UBL3: variants seen among roughly 807,000 people sequenced by gnomAD.
UBL3 encodes the protein ubiquitin like 3.
In UBL3, 6 loss-of-function variants were observed where a neutral mutation model predicts 18.4. The observed-to-expected ratio is 0.33, with a 90% CI of 0.18 to 0.64. The LOEUF is 0.64. Ranked by LOEUF, UBL3 falls within the 30% of genes least tolerant of loss-of-function variation. UBL3 has a pLI of 0.76. For synonymous variants in UBL3, 49 were observed against 46.6 expected (o/e 1.05, Z -0.21); for missense variants, 109 against 142.9 (o/e 0.76, Z 1.21).
chr13:29,801,035 C>T (rs753561884), intron 1 of UBL3, among the ~76,000 whole-genome samples: 1 of 152,290 alleles, frequency 6.6e-6, no homozygotes, highest in African/African-American at 2.4e-5. Context: ...TGCCCCTACC[C>T]GAACACCAGT....
intron 1 of UBL3, among the ~76,000 whole-genome samples, chr13:29,788,969 G>T (rs981495169): frequency 6.6e-6 from 1 of 150,774 alleles, no homozygotes; most frequent in Non-Finnish European, 1.5e-5. Context: ...GCGCAATCTC[G>T]GCTCACCGCA....
chr13:29,775,483 T>G (rs535888374), intron 2 of UBL3, among the ~76,000 whole-genome samples: 2 of 152,334 alleles, frequency 1.3e-5, no homozygotes, highest in South Asian at 4.1e-4. Flanking sequence ...CCTTTAAAAG[T>G]TCAAATTGCT....
intron 1 of UBL3, among the ~76,000 whole-genome samples, chr13:29,812,321 C>G (rs2139341735): frequency 6.6e-6 from 1 of 152,112 alleles, no homozygotes; most frequent in East Asian, 1.9e-4. Context: ...ACAAAGCCTA[C>G]CTGCAAGAAC....
chr13:29,796,059 T>C (rs1191831930), intron 1 of UBL3, among the ~76,000 whole-genome samples: 1 of 152,058 alleles, frequency 6.6e-6, no homozygotes, highest in Non-Finnish European at 1.5e-5. Flanking sequence ...AGATAAAACT[T>C]GAAAGATCTA....
intron 1 of UBL3, among the ~76,000 whole-genome samples, chr13:29,843,586 T>G (rs980635374): frequency 5.3e-5 from 8 of 152,222 alleles, no homozygotes; most frequent in Admixed American, 3.9e-4. Context: ...TATCACCAAA[T>G]ACGCAAACAT....
chr13:29,776,265 T>C (rs1291373091), intron 2 of UBL3, among the ~76,000 whole-genome samples: 4 of 55,620 alleles, frequency 7.2e-5, no homozygotes, highest in Admixed American at 3.7e-4. Context: ...TTCTTTCTTT[T>C]TTTTTTTTTT....
intron 1 of UBL3, among the ~76,000 whole-genome samples, chr13:29,842,775 C>A (rs189528216): frequency 1.3e-5 from 2 of 152,140 alleles, no homozygotes; most frequent in Admixed American, 6.5e-5. Flanking sequence ...TCTTCACTAT[C>A]AAGAAACTGC....
intron 3 of UBL3, among the ~76,000 whole-genome samples, chr13:29,771,897 A>C (rs1327943665): frequency 6.6e-6 from 1 of 152,056 alleles, no homozygotes; most frequent in Non-Finnish European, 1.5e-5. Flanking sequence ...ACTGGGATAG[A>C]GTTTATTTCA....
intron 1 of UBL3, among the ~76,000 whole-genome samples, chr13:29,825,777 TTTCAAAGGGA>T (rs1363565018): frequency 6.6e-6 from 1 of 152,222 alleles, no homozygotes; most frequent in Non-Finnish European, 1.5e-5. Context: ...TTGTGCCAGT[TTTCAAAGGGA>T]ATGCTTCCAG....
intron 1 of UBL3, among the ~76,000 whole-genome samples, chr13:29,836,672 T>C (rs1027941201): frequency 2.0e-5 from 3 of 151,992 alleles, no homozygotes; most frequent in Admixed American, 2.0e-4. Flanking sequence ...AGAACTTGTA[T>C]GAATCTCACT....
chr13:29,808,448 AC>A (rs1248413198), intron 1 of UBL3, among the ~76,000 whole-genome samples: 1 of 152,076 alleles, frequency 6.6e-6, no homozygotes, highest in African/African-American at 2.4e-5. Flanking sequence ...TTTCCATTTC[AC>A]TGTACAGCCT....
chr13:29,796,937 A>T (rs1877628640), intron 1 of UBL3, among the ~76,000 whole-genome samples: 1 of 152,208 alleles, frequency 6.6e-6, no homozygotes, highest in Admixed American at 6.5e-5. Context: ...TAACAGGAAG[A>T]TTTTAGGAAA....
At chr13:29,776,688 T>C (rs1306730724) in intron 2 of UBL3, among the ~76,000 whole-genome samples, 7 of 151,892 alleles carry the variant, frequency 4.6e-5, no homozygotes, top group African/African-American at 1.5e-4. Flanking sequence ...CTGGCCGACA[T>C]GGTGAAACCC....
intron 1 of UBL3, among the ~76,000 whole-genome samples, chr13:29,846,883 AAAATGTATTTAACAGTACAT>A (rs1879240424): frequency 1.3e-5 from 2 of 152,252 alleles, no homozygotes; most frequent in African/African-American, 4.8e-5. Flanking sequence ...GCATCTAGCA[AAAATGTATTTAACAGTACAT>A]ATCCTGATCA....
At chr13:29,830,590 G>A (rs2139358162) in intron 1 of UBL3, among the ~76,000 whole-genome samples, 1 of 152,292 alleles carries the variant, frequency 6.6e-6, no homozygotes, top group South Asian at 2.1e-4. Context: ...TGAACTAGAT[G>A]ACTGCTACTG....
intron 1 of UBL3, among the ~76,000 whole-genome samples, chr13:29,792,408 T>C (rs1182085379): frequency 1.3e-5 from 2 of 151,946 alleles, no homozygotes; most frequent in East Asian, 1.9e-4. Flanking sequence ...GGGAAAAAAA[T>C]AAAAATAAAT....
intron 4 of UBL3, 64 bp from the exon 5 acceptor site, chr13:29,767,371 G>C (rs1245086347): frequency 2.5e-6 from 4 of 1,586,918 alleles, no homozygotes; most frequent in Non-Finnish European, 3.5e-6. Flanking sequence ...AAATGGGCTA[G>C]GCAATCAAGT....
chr13:29,780,558 A>T (rs1877128120), intron 1 of UBL3, among the ~76,000 whole-genome samples: 2 of 151,546 alleles, frequency 1.3e-5, no homozygotes, highest in Non-Finnish European at 2.9e-5. Flanking sequence ...AATTACTTGG[A>T]TCTAAAAACA....
chr13:29,797,938 CCT>C (rs1410065465), intron 1 of UBL3, among the ~76,000 whole-genome samples: 2 of 151,912 alleles, frequency 1.3e-5, no homozygotes, highest in Admixed American at 6.6e-5. Flanking sequence ...GCCCTCTATT[CCT>C]CTGTCTTTGC....
Sources: gnomAD v4.1 joint callset for allele counts (sites outside exome capture counted in the v4.1 genomes callset) on GRCh38, gnomAD v4.1.1 for gene constraint, MANE v1.5 for transcripts, NCBI Gene and HGNC (gene_info 2026-07-23, HGNC 2026-07-21) for gene names.